The following PEX14 variants were observed in gnomAD, a reference collection of about 807,000 sequenced individuals.
The protein encoded by PEX14 is peroxisomal membrane protein PEX14.
PEX14 carries 15 observed loss-of-function variants against 49.5 expected under a neutral mutation model. The ratio of observed to expected loss-of-function variants is 0.30; its 90% CI spans 0.20 to 0.47. The LOEUF is 0.47. Ranked by LOEUF, PEX14 falls within the 20% of genes least tolerant of loss-of-function variation. The pLI, the probability that PEX14 is intolerant of heterozygous loss-of-function variation, is 1.00. For missense variants in PEX14, 398 were observed against 494.8 expected, an observed-to-expected ratio of 0.80 and a Z score of 1.86; for synonymous variants, 210 against 212.7, an observed-to-expected ratio of 0.99 and a Z score of 0.11.
chr1:10,597,008 C>G lies in PEX14; in HGVS notation c.170-2230C>G, dbSNP rs943082671. 6.6e-6 allele frequency among the ~76,000 whole-genome samples: 1 copy of G among 152,242 alleles called. No homozygotes were observed. Among genetic ancestry groups the G allele is most frequent in the African/African-American group, 2.4e-5 (1 of 41,460 alleles). ...TAGGAAAATAGGCTTCATAAAAGCT[C>G]AGGGCCAGAGGGCAGAACTGCGGGC... On this transcript the variant is annotated intron_variant, in intron 3 of 8. Transcript: ENST00000356607. The surrounding 1 kb of genome is among the most constrained non-coding windows in gnomAD (Gnocchi z 5.7).
At chr1:10,513,412 T>C (rs1380864223) in intron 2 of PEX14, among the ~76,000 whole-genome samples, 1 of 152,110 alleles carries the variant, frequency 6.6e-6, no homozygotes, top group African/African-American at 2.4e-5. Context: ...CAAAGACCAG[T>C]GTGTTCCCCT....
chr1:10,528,910 G>A (rs571098387), intron 2 of PEX14, among the ~76,000 whole-genome samples: 2 of 152,294 alleles, frequency 1.3e-5, no homozygotes, highest in East Asian at 1.9e-4. Context: ...ACCGTGATCC[G>A]TGTATAATGG....
At chr1:10,602,410 G>T (rs1412174278) in intron 4 of PEX14, among the ~76,000 whole-genome samples, 1 of 150,488 alleles carries the variant, frequency 6.6e-6, no homozygotes, top group Non-Finnish European at 1.5e-5. Flanking sequence ...GCCAAGAGGT[G>T]TCAAAACTGC....
chr1:10,620,407 G>C (rs1472130190), intron 5 of PEX14, among the ~76,000 whole-genome samples: 3 of 152,114 alleles, frequency 2.0e-5, no homozygotes, highest in Non-Finnish European at 4.4e-5. Context: ...AGGATCACTT[G>C]GGCTCGGGAG....
rs1215729808 is a variant in PEX14, at chr1:10,629,453, G to C, written c.678-78G>C. 4 of 997,742 alleles carry C rather than the reference G, an allele frequency of 4.0e-6. No homozygotes were observed. The highest frequency in any genetic ancestry group is 6.3e-6 in the Non-Finnish European group (4 of 634,638). The allele number at this position is 997,742 out of a possible 1,614,324, so 61.8% of individuals were successfully genotyped here. A position where few individuals can be genotyped will look rare whatever the true frequency, so the allele number is the denominator to read the frequency against. On this transcript the variant is annotated intron_variant, in intron 8 of 8. Transcript: ENST00000356607. This position sits in a 1 kb window ranked among gnomAD's most constrained non-coding sequence, Gnocchi z 8.5. ...AGCTCACCATCGCCGAGCCCTTGCG[G>C]GTCAGGGAAGGCGTGGCCCTTCGAA...
intron 3 of PEX14, among the ~76,000 whole-genome samples, chr1:10,559,835 G>A (rs765085089): frequency 6.6e-6 from 1 of 152,138 alleles, no homozygotes; most frequent in African/African-American, 2.4e-5. Context: ...GATGGAACAG[G>A]GGGTCATTTG....
intron 5 of PEX14, among the ~76,000 whole-genome samples, chr1:10,620,548 G>A (rs754463697): frequency 1.1e-4 from 17 of 152,108 alleles, no homozygotes; most frequent in Non-Finnish European, 2.4e-4. Context: ...AGGACTTTGG[G>A]AGGCTGAGGT....
chr1:10,574,865 C>G (rs1640075789), intron 3 of PEX14, among the ~76,000 whole-genome samples: 1 of 152,006 alleles, frequency 6.6e-6, no homozygotes, highest in Admixed American at 6.5e-5. Context: ...GATCCCAGAG[C>G]TTAGGGGGCT....
At position 10,630,184 on chromosome 1, in the gene PEX14, C is replaced by T. The variant is rs1641882321; in HGVS notation, c.*197C>T. The T allele has an allele frequency of 5.9e-6, 4 of 677,658 alleles. No homozygotes were observed. Among genetic ancestry groups the T allele is most frequent in the Admixed American group, 5.9e-5 (2 of 33,930 alleles). 42.0% of individuals were successfully genotyped at this position (677,658 alleles called of 1,614,324 possible). ...CACCTGGCCTCCTCTCGCCTGGCCG[C>T]CAGCCCCAGCCCCAGCCCCAGCCCC... On this transcript the variant is annotated 3_prime_UTR_variant, in exon 9 of 9. Transcript: ENST00000356607. This position sits in a 1 kb window ranked among gnomAD's most constrained non-coding sequence, Gnocchi z 4.1.
rs775896782 is a variant in PEX14 at position 10,623,141 on chromosome 1, T to C, written c.487+20T>C. ...AGACAGGTAAAGATTAATGACTCCA[T>C]CAAGTCACCCCTCACAGCCTTCTCC... On this transcript the variant is annotated intron_variant, in intron 6 of 8. Transcript: ENST00000356607. This position sits in a 1 kb window ranked among gnomAD's most constrained non-coding sequence, Gnocchi z 4.4. 6.5e-7 allele frequency: 1 copy of C among 1,541,112 alleles called. No homozygotes were observed. Among genetic ancestry groups the C allele is most frequent in the Non-Finnish European group, 9.0e-7 (1 of 1,115,922 alleles).
chr1:10,519,752 T>C (rs887698104), intron 2 of PEX14, among the ~76,000 whole-genome samples: 1 of 152,256 alleles, frequency 6.6e-6, no homozygotes, highest in Admixed American at 6.5e-5. Context: ...AATATTCATT[T>C]CTACTTACTA....
intron 1 of PEX14, among the ~76,000 whole-genome samples, chr1:10,481,433 CTTTG>C (rs563265384): frequency 9.9e-5 from 15 of 151,914 alleles, no homozygotes; most frequent in East Asian, 5.8e-4. Context: ...CAGCCTTAAA[CTTTG>C]TTTGTTTGTT....
In PEX14 at chr1:10,526,775, A is replaced by G. The variant is rs564077380; in HGVS notation, c.85-9438A>G. 1.8e-4 allele frequency among the ~76,000 whole-genome samples: 28 copies of G among 152,262 alleles called. 3 individuals are homozygous for G. The South Asian group carries it at 5.8e-3, about 32-fold the overall frequency. ...ACCTTTGACTGTCATGTTGGCACTC[A>G]AAAAGTTCTGGATTTTGGAGCATTT... On this transcript the variant is annotated intron_variant, in intron 2 of 8. Coordinates refer to ENST00000356607, the MANE Select transcript of PEX14 (RefSeq NM_004565.3).
In PEX14 at chr1:10,609,841, C is replaced by T. The variant is rs569494297; in HGVS notation, c.299-8491C>T. On this transcript the variant is annotated intron_variant, in intron 4 of 8. Coordinates refer to ENST00000356607, the MANE Select transcript of PEX14 (RefSeq NM_004565.3). ...CGGAGGTTGCAGTGAGTTGAGATTG[C>T]ACCATTGTACTCCAGCCTGGGTGAC... Among the ~76,000 whole-genome samples the T allele has an allele frequency of 4.5e-4, 69 of 152,134 alleles. 1 individual carries two copies. In the South Asian group the frequency reaches 8.9e-3, roughly 20 times the overall value.
chr1:10,492,887 G>A (rs2124397315), intron 1 of PEX14, among the ~76,000 whole-genome samples: 1 of 152,342 alleles, frequency 6.6e-6, no homozygotes, highest in Middle Eastern at 3.4e-3. Flanking sequence ...CAGATGTAAA[G>A]TTGCACATCT....
intron 2 of PEX14, among the ~76,000 whole-genome samples, chr1:10,508,048 A>G (rs913193354): frequency 6.6e-6 from 1 of 152,188 alleles, no homozygotes; most frequent in African/African-American, 2.4e-5. Context: ...TACCACTGTC[A>G]TATGGTTGAT....
rs182365053 is a variant in PEX14, at chr1:10,514,582, T to C, written c.84+19261T>C. ...GGGAAAGCCATTGGGGAATGCTCAG[T>C]TGGGATTGAACTAATAGGCCATTGG... On this transcript the variant is annotated intron_variant, in intron 2 of 8. Transcript: ENST00000356607. The surrounding 1 kb of genome is among the most constrained non-coding windows in gnomAD (Gnocchi z 4.4). Among the ~76,000 whole-genome samples, 1 of 152,222 alleles carries C rather than the reference T, an allele frequency of 6.6e-6. No individual in the cohort carries two copies. The highest frequency in any genetic ancestry group is 1.9e-4 in the East Asian group (1 of 5,174).
At chr1:10,503,722 T>G (rs1428532892) in intron 2 of PEX14, among the ~76,000 whole-genome samples, 1 of 151,838 alleles carries the variant, frequency 6.6e-6, no homozygotes, top group Non-Finnish European at 1.5e-5. Flanking sequence ...CAGGATAACC[T>G]TTTTTCTTTT....
chr1:10,510,937 C>T (rs1352082485), intron 2 of PEX14, among the ~76,000 whole-genome samples: 4 of 152,212 alleles, frequency 2.6e-5, no homozygotes. Flanking sequence ...CCTTTATAGC[C>T]TTTCCATTAT....
Sources: gnomAD v4.1 joint callset for allele counts (sites outside exome capture counted in the v4.1 genomes callset) on GRCh38, gnomAD v4.1.1 for gene constraint, Gnocchi (gnomAD v3.1) non-coding constraint, MANE v1.5 for transcripts, NCBI Gene and HGNC (gene_info 2026-07-23, HGNC 2026-07-21) for gene names.